MED27: variants seen among roughly 807,000 people sequenced by gnomAD.
The protein encoded by MED27 is mediator of RNA polymerase II transcription subunit 27.
Under a neutral mutation model 38.2 loss-of-function variants are expected in MED27, and 30 were observed. The ratio of observed to expected loss-of-function variants is 0.79; its 90% CI spans 0.59 to 1.07. MED27 has a LOEUF of 1.07. MED27 is among the 50% of genes least tolerant of loss of function. The probability of loss-of-function intolerance (pLI) is 0.00; values close to 1 mark genes in which losing one functional copy is unlikely to be tolerated. For synonymous variants in MED27, 122 were observed against 153.5 expected (o/e 0.79, Z 1.52); for missense variants, 289 against 397.5 (o/e 0.73, Z 2.32).
At chr9:132,053,025 G>T (rs1833497946) in intron 2 of MED27, among the ~76,000 whole-genome samples, 1 of 152,098 alleles carries the variant, frequency 6.6e-6, no homozygotes, top group East Asian at 1.9e-4. Context: ...AGGCCGAGGT[G>T]GGTGGATCAC....
intron 4 of MED27, among the ~76,000 whole-genome samples, chr9:131,922,377 T>G (rs1199843564): frequency 6.6e-6 from 1 of 151,570 alleles, no homozygotes; most frequent in African/African-American, 2.4e-5. Flanking sequence ...TGAGTGTTAT[T>G]TATTTTGGTG....
rs1238346130 is a variant in MED27 at position 131,893,815 on chromosome 9, T to C, written c.681+70A>G. On this transcript the variant is annotated intron_variant, in intron 5 of 7. Transcript: ENST00000292035. ...GATTGCTAGTTTTTAATGCCATTCA[T>C]CTGGAATTCGACTACACTTGTTCTG... 8.4e-6 allele frequency: 9 copies of C among 1,074,640 alleles called. No individual in the cohort carries two copies. In the South Asian group the frequency reaches 1.2e-4, roughly 14 times the overall value. 66.6% of individuals were successfully genotyped at this position (1,074,640 alleles called of 1,614,324 possible). A position where few individuals can be genotyped will look rare whatever the true frequency, so the allele number is the denominator to read the frequency against.
intron 3 of MED27, among the ~76,000 whole-genome samples, chr9:131,966,630 C>A (rs1402970889): frequency 6.6e-6 from 1 of 152,064 alleles, no homozygotes; most frequent in Non-Finnish European, 1.5e-5. Flanking sequence ...TGGTTGAAAG[C>A]AAGAGCTTTG....
chr9:131,884,144 T>A, intron 5 of MED27, 45 bp from the exon 6 acceptor site: 1 of 1,510,772 alleles, frequency 6.6e-7, no homozygotes, highest in South Asian at 1.3e-5. Flanking sequence ...GTCTTAGAAT[T>A]CGGGACTTCA....
At position 132,077,564 on chromosome 9, in the gene MED27, G is replaced by C. The variant is rs760597063; in HGVS notation, c.226C>G (p.Leu76Val). ...TGGTTCTCAGATGGCTTGCCTACCA[G>C]ATTGCTCAGACGTTCCAGCTCACTG... ...DLNELERLSN[L>V]VGKPSENHPL... The change falls in exon 2 of 8, where the codon CTG becomes GTG. Residue 76 changes from leucine to valine, a missense_variant. By Grantham distance (32) the Leu-to-Val change is conservative. Coordinates refer to ENST00000292035, the MANE Select transcript of MED27 (RefSeq NM_004269.4). The C allele has an allele frequency of 1.4e-5, 23 of 1,614,012 alleles. No homozygotes were observed. In the Admixed American group the frequency reaches 3.5e-4, roughly 25 times the overall value.
At chr9:132,033,867 T>C (rs1833015738) in intron 2 of MED27, among the ~76,000 whole-genome samples, 1 of 152,240 alleles carries the variant, frequency 6.6e-6, no homozygotes, top group African/African-American at 2.4e-5. Context: ...AAAAATACAC[T>C]ATTTGTATTT....
chr9:131,875,292 AAG>A (rs1838910863), intron 6 of MED27, among the ~76,000 whole-genome samples: 3 of 152,206 alleles, frequency 2.0e-5, no homozygotes, highest in South Asian at 2.1e-4. Flanking sequence ...TTGTGACCAG[AAG>A]AGCAGATAAC....
chr9:131,900,267 G>T (rs1368092300), intron 4 of MED27, among the ~76,000 whole-genome samples: 1 of 152,260 alleles, frequency 6.6e-6, no homozygotes, highest in African/African-American at 2.4e-5. Flanking sequence ...GCGAGCGGGG[G>T]CCGAAACCAG....
chr9:132,054,324 C>G (rs1564342351), intron 2 of MED27, among the ~76,000 whole-genome samples: 1 of 152,186 alleles, frequency 6.6e-6, no homozygotes, highest in African/African-American at 2.4e-5. Flanking sequence ...TGCTTTCCGC[C>G]ATAAGTAAGA....
At chr9:131,928,613 G>C (rs1830524243) in intron 4 of MED27, among the ~76,000 whole-genome samples, 1 of 152,212 alleles carries the variant, frequency 6.6e-6, no homozygotes, top group East Asian at 1.9e-4. Context: ...CCCTGACACA[G>C]TGGAGAGTAA....
At chr9:131,976,907 C>T (rs2131021826) in intron 3 of MED27, among the ~76,000 whole-genome samples, 1 of 152,262 alleles carries the variant, frequency 6.6e-6, no homozygotes, top group Admixed American at 6.5e-5. Context: ...AGAGGCCTTC[C>T]CCCTTTCTGC....
chr9:132,045,413 T>TACAC lies in MED27; in HGVS notation c.349-30950_349-30947dup, dbSNP rs61360267. 7.6e-3 allele frequency among the ~76,000 whole-genome samples: 1,104 copies of TACAC among 144,468 alleles called. 15 individuals are homozygous for TACAC. Among genetic ancestry groups the TACAC allele is most frequent in the African/African-American group, 0.022 (844 of 38,982 alleles). 94.8% of individuals were successfully genotyped at this position (144,468 alleles called of 152,430 possible). A position where few individuals can be genotyped will look rare whatever the true frequency, so the allele number is the denominator to read the frequency against. On this transcript the variant is annotated intron_variant, in intron 2 of 7. Transcript: ENST00000292035. The stretch of plus-strand genomic sequence containing the variant: ...AAGATAATGTCTAAGAAGAGGAAAT[T>TACAC]ACACACACACACACACACACACACA...
rs372291174 is a variant in MED27, at chr9:132,019,682, C to A, written c.349-5215G>T. ...AAGAGGTCACTGACCTCAGGTCACACCATTCGCAGGAGGACGGTGGGCCAT... is the reference window on the plus strand; with the variant it reads ...AAGAGGTCACTGACCTCAGGTCACAACATTCGCAGGAGGACGGTGGGCCAT... On this transcript the variant is annotated intron_variant, in intron 2 of 7. Coordinates refer to ENST00000292035, the MANE Select transcript of MED27 (RefSeq NM_004269.4). 9.2e-5 allele frequency among the ~76,000 whole-genome samples: 14 copies of A among 152,360 alleles called. No homozygotes were observed. The South Asian group carries it at 1.4e-3, about 16-fold the overall frequency.
rs1396102001 is a variant in MED27, at chr9:131,860,499, G to T, written c.*39C>A. 1 of 1,473,518 alleles carries T rather than the reference G, an allele frequency of 6.8e-7. No individual in the cohort carries two copies. The highest frequency in any genetic ancestry group is 9.0e-7 in the Non-Finnish European group (1 of 1,113,132). 91.3% of individuals were successfully genotyped at this position (1,473,518 alleles called of 1,614,324 possible). A position where few individuals can be genotyped will look rare whatever the true frequency, so the allele number is the denominator to read the frequency against. ...TGTGGGCTTCCTGCGTGTCTGGGAA[G>T]GTGCTGGGTGGGGTCTGAGGCTGGG... On this transcript the variant is annotated 3_prime_UTR_variant, in exon 8 of 8. Transcript: ENST00000292035. The surrounding 1 kb of genome is among the most constrained non-coding windows in gnomAD (Gnocchi z 5.8).
chr9:132,025,426 C>T (rs1334023205), intron 2 of MED27, among the ~76,000 whole-genome samples: 2 of 152,218 alleles, frequency 1.3e-5, no homozygotes, highest in Non-Finnish European at 2.9e-5. Flanking sequence ...AGGTGATCTG[C>T]CCGCCTCGAC....
At position 132,030,200 on chromosome 9, in the gene MED27, T is replaced by C. The variant is rs906655893; in HGVS notation, c.349-15733A>G. Among the ~76,000 whole-genome samples, 11 of 152,344 alleles carry C rather than the reference T, an allele frequency of 7.2e-5. 1 individual carries two copies. The South Asian group carries it at 1.9e-3, about 26-fold the overall frequency. ...AGTGTGCACTGGTGCCAGAGCCACG[T>C]TGTCTCAAAGACAGCGGTGCCCCTC... On this transcript the variant is annotated intron_variant, in intron 2 of 7. Transcript: ENST00000292035.
intron 4 of MED27, among the ~76,000 whole-genome samples, chr9:131,938,038 T>A (rs1234718198): frequency 6.6e-6 from 1 of 152,220 alleles, no homozygotes; most frequent in African/African-American, 2.4e-5. Flanking sequence ...AGAAATTTTT[T>A]AAATATTATG....
intron 3 of MED27, among the ~76,000 whole-genome samples, chr9:132,009,091 T>C (rs553683587): frequency 6.6e-6 from 1 of 152,198 alleles, no homozygotes; most frequent in Non-Finnish European, 1.5e-5. Context: ...CATGTTGCTA[T>C]GATGCTCTGC....
chr9:132,030,226 G>A (rs1191855453), intron 2 of MED27, among the ~76,000 whole-genome samples: 2 of 152,218 alleles, frequency 1.3e-5, no homozygotes, highest in Non-Finnish European at 2.9e-5. Flanking sequence ...GGTGCCCCTC[G>A]TGACAGCGCT....
Sources: allele counts gnomAD v4.1 joint callset (sites outside exome capture counted in the v4.1 genomes callset), GRCh38; gene constraint gnomAD v4.1.1; non-coding constraint Gnocchi (gnomAD v3.1); transcripts MANE v1.5; gene names NCBI Gene and HGNC (gene_info 2026-07-23, HGNC 2026-07-21).